Variants in RAD9B observed in about 807,000 individuals in gnomAD.
RAD9B encodes RAD9 checkpoint clamp component B.
RAD9B carries 41 observed loss-of-function variants against 48.3 expected under a neutral mutation model. That is an observed-to-expected ratio of 0.85 (90% CI 0.66 to 1.10). The LOEUF (loss-of-function observed/expected upper bound fraction) is 1.10, where lower values mean the gene tolerates loss of function less well. RAD9B is among the 50% of genes least tolerant of loss of function. The probability of loss-of-function intolerance (pLI) is 0.00; values close to 1 mark genes in which losing one functional copy is unlikely to be tolerated. For missense variants in RAD9B, 444 were observed against 485.1 expected (o/e 0.92, Z 0.80); for synonymous variants, 160 against 157.9 (o/e 1.01, Z -0.10).
At chr12:110,502,589 T>G (rs1285982704) in intron 1 of RAD9B, 1 of 593,184 alleles carries the variant, frequency 1.7e-6, no homozygotes, top group African/African-American at 1.9e-5. Flanking sequence ...GAGGCAGATG[T>G]AATATGGGTG....
chr12:110,526,638 G>C (rs573833214), intron 10 of RAD9B, among the ~76,000 whole-genome samples: 1 of 151,418 alleles, frequency 6.6e-6, no homozygotes, highest in African/African-American at 2.4e-5. Flanking sequence ...GGTCGGGCAC[G>C]GTGGCTCATG....
chr12:110,507,279 A>T (rs1357661917), intron 4 of RAD9B, among the ~76,000 whole-genome samples: 1 of 149,516 alleles, frequency 6.7e-6, no homozygotes, highest in Non-Finnish European at 1.5e-5. Flanking sequence ...TTTTTTTCAA[A>T]TATCCGTATG....
intron 4 of RAD9B, among the ~76,000 whole-genome samples, chr12:110,512,213 A>G (rs1374742138): frequency 6.8e-6 from 1 of 148,084 alleles, no homozygotes; most frequent in Non-Finnish European, 1.5e-5. Flanking sequence ...CAGTGGCACA[A>G]TCTTGGCTCA....
Position 110,515,079 on chromosome 12 carries a change from C to T in RAD9B, c.518C>T (p.Thr173Ile). 7.7e-6 allele frequency: 12 copies of T among 1,555,176 alleles called. No individual in the cohort carries two copies. The highest frequency in any genetic ancestry group is 1.4e-5 in the African/African-American group (1 of 73,530). ...RLLADAIVLF[T>I]SSQEEVTLAV... is the part of the protein sequence containing the mutation. ...CTTGCTGATGCCATTGTTCTTTTTA[C>T]ATCAAGTCAAGAGGAAGTTACTCTT... The change falls in exon 6 of 11, where the codon ACA (threonine) becomes ATA (isoleucine). Residue 173 changes from threonine (T) to isoleucine (I), a missense_variant. Transcript: ENST00000409300.
At chr12:110,518,993 A>G in intron 8 of RAD9B, 55 bp downstream of exon 8, 3 of 1,198,518 alleles carry the variant, frequency 2.5e-6, no homozygotes, top group Middle Eastern at 2.8e-4. Flanking sequence ...ATCAATAACA[A>G]AACCTTTTGG....
chr12:110,529,445 A>G (rs1471420181), intron 10 of RAD9B, among the ~76,000 whole-genome samples: 1 of 152,000 alleles, frequency 6.6e-6, no homozygotes, highest in Non-Finnish European at 1.5e-5. Context: ...GTGCCTGGCT[A>G]TTTCTGTATT....
In RAD9B at chr12:110,533,337, AAATTCAGGT is replaced by A. The variant is rs1352982124; in HGVS notation, c.*2689_*2697del. 6.6e-6 allele frequency: 1 copy of A among 152,196 alleles called. No homozygotes were observed. The allele number at this position is 152,196 out of a possible 1,614,324, so 9.4% of individuals were successfully genotyped here. A position where few individuals can be genotyped will look rare whatever the true frequency, so the allele number is the denominator to read the frequency against. ...TGCATAAGTTATAATTCAGACATCC[AAATTCAGGT>A]AATTGCCTCTTGGGTAATAAGACAA... On this transcript the variant is annotated 3_prime_UTR_variant, in exon 11 of 11. Transcript: ENST00000409300.
intron 4 of RAD9B, among the ~76,000 whole-genome samples, chr12:110,511,140 T>C (rs1311514459): frequency 6.6e-6 from 1 of 152,188 alleles, no homozygotes; most frequent in Non-Finnish European, 1.5e-5. Flanking sequence ...ATCACTATTT[T>C]ACACGCAATT....
chr12:110,515,185 G>T (rs1426809709), intron 6 of RAD9B, 29 bp downstream of exon 6: 34 of 1,164,736 alleles, frequency 2.9e-5, no homozygotes, highest in African/African-American at 4.6e-5. Context: ...ATGGTGTTTT[G>T]ATGGGTTATT....
rs2063534164 is a variant in RAD9B, at chr12:110,513,831, C to CT, written c.488+955dup. On this transcript the variant is annotated intron_variant, in intron 5 of 10. Coordinates refer to ENST00000409300, the MANE Select transcript of RAD9B (RefSeq NM_001286535.2). ...CTCCACCTCCTGGGTTCAAACAATT[C>CT]TTGTGCCTCAGCTTCCCGAGTAGCT... Among the ~76,000 whole-genome samples the CT allele has an allele frequency of 2.0e-5, 3 of 151,864 alleles. No homozygotes were observed. The South Asian group carries it at 6.2e-4, about 32-fold the overall frequency.
intron 10 of RAD9B, among the ~76,000 whole-genome samples, chr12:110,529,465 A>C (rs1040370011): frequency 6.6e-6 from 1 of 152,180 alleles, no homozygotes; most frequent in Non-Finnish European, 1.5e-5. Context: ...TTTAAAGATA[A>C]GAAGACTGAG....
chr12:110,527,757 A>G (rs1483996355), intron 10 of RAD9B, among the ~76,000 whole-genome samples: 2 of 152,240 alleles, frequency 1.3e-5, no homozygotes, highest in Non-Finnish European at 2.9e-5. Flanking sequence ...TGTTTAGTTC[A>G]ATAAAGGAGA....
chr12:110,532,020 C>T lies in RAD9B; in HGVS notation c.*1367C>T, dbSNP rs2064154479. On this transcript the variant is annotated 3_prime_UTR_variant, in exon 11 of 11. Transcript: ENST00000409300. ...CTAACTGAAACCAGAATTAATTTGG[C>T]TCTTGTAGCTTAGTAATGAGTCATA... 5.8e-6 allele frequency: 1 copy of T among 171,436 alleles called. No individual in the cohort carries two copies. Among genetic ancestry groups the T allele is most frequent in the South Asian group, 1.5e-4 (1 of 6,704 alleles). 10.6% of individuals were successfully genotyped at this position (171,436 alleles called of 1,614,324 possible).
chr12:110,529,066 A>C (rs1240234425), intron 10 of RAD9B, among the ~76,000 whole-genome samples: 1 of 150,882 alleles, frequency 6.6e-6, no homozygotes, highest in Non-Finnish European at 1.5e-5. Flanking sequence ...GGAGAATGAG[A>C]AGATGGAGAC....
intron 10 of RAD9B, among the ~76,000 whole-genome samples, chr12:110,523,565 C>G (rs2063848252): frequency 6.6e-6 from 1 of 152,194 alleles, no homozygotes; most frequent in African/African-American, 2.4e-5. Flanking sequence ...GCAATTTTCT[C>G]TTCCTGTATG....
intron 2 of RAD9B, among the ~76,000 whole-genome samples, chr12:110,504,957 G>A (rs2063218053): frequency 1.3e-5 from 2 of 151,796 alleles, no homozygotes; most frequent in Admixed American, 6.6e-5. Context: ...AGTGAGCTGC[G>A]GTGGTACCAT....
chr12:110,516,248 C>T (rs1051959590), intron 6 of RAD9B, among the ~76,000 whole-genome samples: 21 of 151,928 alleles, frequency 1.4e-4, no homozygotes, highest in African/African-American at 4.8e-4. Flanking sequence ...AATTGAAGCA[C>T]AGAGAAACTG....
rs1237447763 is a variant in RAD9B, at chr12:110,530,446, A to AG, written c.1126-77dup. 2.9e-5 allele frequency: 38 copies of AG among 1,328,922 alleles called. 1 individual carries two copies. The highest frequency in any genetic ancestry group is 3.7e-4 in the Middle Eastern group (2 of 5,402). 82.3% of individuals were successfully genotyped at this position (1,328,922 alleles called of 1,614,324 possible). A position where few individuals can be genotyped will look rare whatever the true frequency, so the allele number is the denominator to read the frequency against. On this transcript the variant is annotated intron_variant, in intron 10 of 10. Transcript: ENST00000409300. ...GGATATAATACTGGTCAGGTTTCTG[A>AG]GGAGGGCTGTCACCTGGAGCATTTA... is the stretch of plus-strand genomic sequence containing the variant.
intron 2 of RAD9B, among the ~76,000 whole-genome samples, chr12:110,505,186 T>C (rs2063226520): frequency 1.3e-5 from 2 of 151,836 alleles, no homozygotes; most frequent in Admixed American, 1.3e-4. Flanking sequence ...TATATGTATG[T>C]ATATATATAG....
Sources: allele counts gnomAD v4.1 joint callset (sites outside exome capture counted in the v4.1 genomes callset), GRCh38; gene constraint gnomAD v4.1.1; transcripts MANE v1.5; gene names NCBI Gene and HGNC (gene_info 2026-07-23, HGNC 2026-07-21).